The following CTIF variants were observed in gnomAD, a reference collection of about 807,000 sequenced individuals.
CTIF encodes cap binding complex dependent translation initiation factor, also known as CBP80/20-dependent translation initiation factor.
CTIF carries 21 observed loss-of-function variants against 66.0 expected under a neutral mutation model. The observed-to-expected ratio is 0.32, with a 90% CI of 0.23 to 0.46. CTIF has a LOEUF of 0.46. CTIF is among the 20% of genes least tolerant of loss of function. The pLI is 1.00. For missense variants in CTIF, 739 were observed against 812.7 expected (o/e 0.91, Z 1.10); for synonymous variants, 345 against 326.4 (o/e 1.06, Z -0.62).
intron 6 of CTIF, among the ~76,000 whole-genome samples, chr18:48,700,891 C>T (rs1598894391): frequency 1.3e-5 from 2 of 152,224 alleles, no homozygotes; most frequent in African/African-American, 4.8e-5. Flanking sequence ...TGGGCATCCT[C>T]TGAGGGTTTG....
chr18:48,809,157 A>C (rs1179688390), intron 9 of CTIF, among the ~76,000 whole-genome samples: 1 of 152,230 alleles, frequency 6.6e-6, no homozygotes, highest in Non-Finnish European at 1.5e-5. Flanking sequence ...AGCTTTGTAC[A>C]TTAAAATCTC....
intron 9 of CTIF, among the ~76,000 whole-genome samples, chr18:48,799,536 C>A (rs1294557093): frequency 1.3e-5 from 2 of 152,040 alleles, no homozygotes; most frequent in East Asian, 3.8e-4. Flanking sequence ...CGTGAGTGGA[C>A]ACCTGAATAA....
chr18:48,640,212 G>A (rs2090901897), intron 3 of CTIF, among the ~76,000 whole-genome samples: 1 of 152,248 alleles, frequency 6.6e-6, no homozygotes, highest in Non-Finnish European at 1.5e-5. Context: ...CACCCCGGCT[G>A]GCTCCTTGCT....
intron 9 of CTIF, among the ~76,000 whole-genome samples, chr18:48,798,731 G>A (rs1287214582): frequency 6.6e-6 from 1 of 152,188 alleles, no homozygotes; most frequent in Non-Finnish European, 1.5e-5. Context: ...TCCCATGGGT[G>A]GGAGCATTGG....
chr18:48,761,813 C>G lies in CTIF; in HGVS notation c.1371+124C>G. ...ACTTTTCCCAAGTTCCGCCCTTGCCCGATTAATTATAGAAAACACAAAGGC... is the reference window on the plus strand; with the variant it reads ...ACTTTTCCCAAGTTCCGCCCTTGCCGGATTAATTATAGAAAACACAAAGGC... On this transcript the variant is annotated intron_variant, in intron 9 of 11. Transcript: ENST00000256413. The surrounding 1 kb of genome is among the most constrained non-coding windows in gnomAD (Gnocchi z 4.2). 1.0e-6 allele frequency: 1 copy of G among 961,316 alleles called. No homozygotes were observed. Among genetic ancestry groups the G allele is most frequent in the Non-Finnish European group, 1.5e-6 (1 of 660,976 alleles). The allele number at this position is 961,316 out of a possible 1,614,324, so 59.5% of individuals were successfully genotyped here.
intron 1 of CTIF, among the ~76,000 whole-genome samples, chr18:48,575,670 C>T (rs879505008): frequency 4.6e-5 from 7 of 152,132 alleles, no homozygotes; most frequent in Non-Finnish European, 7.3e-5. Flanking sequence ...TTTGCTCTCC[C>T]GGGAGGGTCT....
At chr18:48,649,324 C>T (rs1254467765) in intron 3 of CTIF, among the ~76,000 whole-genome samples, 2 of 152,226 alleles carry the variant, frequency 1.3e-5, no homozygotes, top group Admixed American at 6.5e-5. Context: ...TCAGCGGGTC[C>T]CATGCCCATA....
chr18:48,661,075 G>A (rs566376360), intron 3 of CTIF, among the ~76,000 whole-genome samples: 2 of 152,240 alleles, frequency 1.3e-5, no homozygotes, highest in Non-Finnish European at 2.9e-5. Flanking sequence ...CAGTTGGCAG[G>A]AATCCAAGCT....
chr18:48,706,801 T>C (rs1016943979), intron 6 of CTIF, among the ~76,000 whole-genome samples: 1 of 152,200 alleles, frequency 6.6e-6, no homozygotes, highest in Non-Finnish European at 1.5e-5. Context: ...GTTCCACGTG[T>C]ACTCTGCCGG....
chr18:48,593,188 C>T (rs760746805), intron 1 of CTIF, among the ~76,000 whole-genome samples: 18 of 152,104 alleles, frequency 1.2e-4, no homozygotes, highest in African/African-American at 3.9e-4. Context: ...CAGAAATGCC[C>T]GGGAGACCCT....
At chr18:48,753,652 A>T (rs1477912686) in intron 7 of CTIF, among the ~76,000 whole-genome samples, 1 of 152,182 alleles carries the variant, frequency 6.6e-6, no homozygotes, top group Non-Finnish European at 1.5e-5. Context: ...AGTAGCACAA[A>T]TGGAATATTA....
rs76592624 is a variant in CTIF at position 48,710,178 on chromosome 18, A to G, written c.508-1441A>G. 9.8e-3 allele frequency among the ~76,000 whole-genome samples: 1,500 copies of G among 152,318 alleles called. 47 individuals carry two copies. The East Asian group carries it at 0.12, about 12-fold the overall frequency. On this transcript the variant is annotated intron_variant, in intron 6 of 11. Coordinates refer to ENST00000256413, the MANE Select transcript of CTIF (RefSeq NM_014772.3). ...GAATCCCGAGGGCTGCATGTGCCCC[A>G]CCACAGGGTGTAACCCACAGGACTA...
At chr18:48,714,551 T>C (rs574477096) in intron 7 of CTIF, among the ~76,000 whole-genome samples, 14 of 152,160 alleles carry the variant, frequency 9.2e-5, no homozygotes, top group African/African-American at 3.4e-4. Flanking sequence ...GCTAGGAGCA[T>C]GCAATTTCCC....
chr18:48,543,807 T>C (rs776270885), intron 1 of CTIF, among the ~76,000 whole-genome samples: 3 of 152,200 alleles, frequency 2.0e-5, no homozygotes, highest in Non-Finnish European at 2.9e-5. Flanking sequence ...GTTAGGTTCT[T>C]CCCAAAGAGT....
At chr18:48,623,630 G>A (rs1568081855) in intron 2 of CTIF, among the ~76,000 whole-genome samples, 2 of 151,866 alleles carry the variant, frequency 1.3e-5, no homozygotes, top group African/African-American at 4.8e-5. Context: ...CTGTCTGCCT[G>A]TGTGGTATTT....
At chr18:48,575,368 G>T (rs542043262) in intron 1 of CTIF, among the ~76,000 whole-genome samples, 3 of 152,194 alleles carry the variant, frequency 2.0e-5, no homozygotes. Flanking sequence ...TCCAGACCCC[G>T]TGCCTTTTTC....
chr18:48,815,534 G>A (rs913512247), intron 9 of CTIF, among the ~76,000 whole-genome samples: 1 of 152,198 alleles, frequency 6.6e-6, no homozygotes, highest in Non-Finnish European at 1.5e-5. Flanking sequence ...AATAGTTATA[G>A]ATACACACAC....
intron 3 of CTIF, among the ~76,000 whole-genome samples, chr18:48,649,246 C>G (rs140097565): frequency 6.6e-6 from 1 of 152,222 alleles, no homozygotes; most frequent in East Asian, 1.9e-4. Context: ...TGGGACACTC[C>G]CACCCAAATA....
intron 6 of CTIF, among the ~76,000 whole-genome samples, chr18:48,675,586 C>T (rs1336554662): frequency 6.6e-6 from 1 of 152,228 alleles, no homozygotes; most frequent in African/African-American, 2.4e-5. Flanking sequence ...CAGGCCCTTC[C>T]TCCCTGCAGC....
Sources: allele counts gnomAD v4.1 joint callset (sites outside exome capture counted in the v4.1 genomes callset), GRCh38; gene constraint gnomAD v4.1.1; non-coding constraint Gnocchi (gnomAD v3.1); transcripts MANE v1.5; gene names NCBI Gene and HGNC (gene_info 2026-07-23, HGNC 2026-07-21).